MPC1: variants seen among roughly 807,000 people sequenced by gnomAD.
MPC1 encodes HSPC040 protein.
Under a neutral mutation model 13.9 loss-of-function variants are expected in MPC1, and 6 were observed. That is an observed-to-expected ratio of 0.43 (90% CI 0.24 to 0.85). The LOEUF is 0.85. Among genes scored for constraint, MPC1 ranks in the 40% least tolerant of loss-of-function variants. The pLI is 0.24. For missense variants in MPC1, 115 were observed against 143.3 expected (o/e 0.80, Z 1.01); for synonymous variants, 47 against 50.5 (o/e 0.93, Z 0.29).
chr6:166,373,105 C>T (rs1350154416), intron 1 of MPC1, among the ~76,000 whole-genome samples: 5 of 152,150 alleles, frequency 3.3e-5, no homozygotes, highest in Non-Finnish European at 5.9e-5. Flanking sequence ...ATCTACATCC[C>T]CCGCCCATGG....
intron 1 of MPC1, among the ~76,000 whole-genome samples, chr6:166,380,026 C>A (rs1318195776): frequency 6.6e-6 from 1 of 152,212 alleles, no homozygotes; most frequent in Non-Finnish European, 1.5e-5. Flanking sequence ...ATTCCCACTG[C>A]TGCCAAGAAT....
chr6:166,372,880 A>G (rs1648165332), intron 1 of MPC1, among the ~76,000 whole-genome samples: 1 of 152,218 alleles, frequency 6.6e-6, no homozygotes, highest in Admixed American at 6.5e-5. Flanking sequence ...AAAAAAGCAA[A>G]CAAACACAAA....
At chr6:166,381,958 C>T (rs113131104) in intron 1 of MPC1, 101 of 331,592 alleles carry the variant, frequency 3.0e-4, no homozygotes, top group African/African-American at 6.0e-4. Context: ...AGCTCCGCTC[C>T]AACAGCGCCG....
At chr6:166,373,005 GAA>G (rs1779436017) in intron 1 of MPC1, among the ~76,000 whole-genome samples, 1 of 151,940 alleles carries the variant, frequency 6.6e-6, no homozygotes, top group Non-Finnish European at 1.5e-5. Context: ...TAATTTTTCA[GAA>G]AAGTTTTAGG....
At chr6:166,371,062 A>G (rs114807663) in intron 1 of MPC1, among the ~76,000 whole-genome samples, 1,880 of 152,298 alleles carry the variant, frequency 0.012, 39 homozygotes, top group African/African-American at 0.043. Flanking sequence ...TCAGGTGATC[A>G]GTAGCCACCT....
chr6:166,371,799 AAG>A (rs1271881299), intron 1 of MPC1, among the ~76,000 whole-genome samples: 4 of 152,202 alleles, frequency 2.6e-5, no homozygotes, highest in African/African-American at 9.6e-5. Context: ...TAGGCAGAGT[AAG>A]AGATTGACAA....
rs1779132913 is a variant in MPC1 at position 166,365,949 on chromosome 6, A to C, written c.305+25T>G. Reference sequence around the variant, plus strand: ...CAATTCCTCAAATTCCTGAAAAGAAAGTAACTAAATTGAAATCTGCTTACT... The same window carrying C: ...CAATTCCTCAAATTCCTGAAAAGAACGTAACTAAATTGAAATCTGCTTACT... On this transcript the variant is annotated intron_variant, in intron 4 of 4. Transcript: ENST00000360961. The surrounding 1 kb of genome is among the most constrained non-coding windows in gnomAD (Gnocchi z 4.2). The C allele has an allele frequency of 6.2e-7, 1 of 1,603,206 alleles. No homozygotes were observed.
At chr6:166,371,710 C>T (rs1012056063) in intron 1 of MPC1, among the ~76,000 whole-genome samples, 2 of 152,084 alleles carry the variant, frequency 1.3e-5, no homozygotes, top group African/African-American at 4.8e-5. Context: ...TGCTTGAAAC[C>T]GTGGATAATA....
intron 1 of MPC1, among the ~76,000 whole-genome samples, chr6:166,372,152 C>G (rs753417126): frequency 2.0e-5 from 3 of 152,144 alleles, no homozygotes; most frequent in African/African-American, 7.2e-5. Flanking sequence ...CAGTCACCTA[C>G]GGCATTGCTC....
At chr6:166,366,714 T>A (rs1779168779) in intron 3 of MPC1, 81 bp downstream of exon 3, 1 of 1,318,140 alleles carries the variant, frequency 7.6e-7, no homozygotes, top group African/African-American at 1.4e-5. Flanking sequence ...GACTGTAACA[T>A]CTAGTGCTAC....
At position 166,365,884 on chromosome 6, in the gene MPC1, C is replaced by T. The variant is rs559389284; in HGVS notation, c.305+90G>A. ...AGCGCATCTATACACACTCCAGTCC[C>T]GCAGCACTCCCTCAGAAAAGATTTT... On this transcript the variant is annotated intron_variant, in intron 4 of 4. Transcript: ENST00000360961. This position sits in a 1 kb window ranked among gnomAD's most constrained non-coding sequence, Gnocchi z 4.2. 4.6e-5 allele frequency: 71 copies of T among 1,533,188 alleles called. No individual in the cohort carries two copies. Among genetic ancestry groups the T allele is most frequent in the Middle Eastern group, 1.9e-4 (1 of 5,256 alleles). The allele number at this position is 1,533,188 out of a possible 1,614,324, so 95.0% of individuals were successfully genotyped here.
At chr6:166,368,662 C>T (rs1304675087) in intron 2 of MPC1, 1 of 650,714 alleles carries the variant, frequency 1.5e-6, no homozygotes, top group Non-Finnish European at 1.9e-6. Context: ...TGCAATATGG[C>T]CAGTTTTCTT....
rs1779139201 is a variant in MPC1 at position 166,366,032 on chromosome 6, A to G, written c.247T>C (p.Cys83Arg). Residue 83 changes from cysteine to arginine, a missense_variant, in exon 4 of 5, where the codon TGC becomes CGC. Transcript: ENST00000360961. ...VQPRNWLLFA[C>R]HATNEVAQLI... is the part of the protein sequence containing the mutation. ...TGGGCTACTTCATTTGTTGCGTGGC[A>G]TGCAAACAGAAGCCAGTTCCGAGGC... The G allele has an allele frequency of 6.2e-7, 1 of 1,613,908 alleles. No homozygotes were observed. Among genetic ancestry groups the G allele is most frequent in the Admixed American group, 1.7e-5 (1 of 59,998 alleles).
At chr6:166,377,586 A>G (rs990867326) in intron 1 of MPC1, among the ~76,000 whole-genome samples, 4 of 152,220 alleles carry the variant, frequency 2.6e-5, no homozygotes, top group African/African-American at 7.2e-5. Context: ...TATTTCTAAC[A>G]TTATTCAAAG....
intron 1 of MPC1, among the ~76,000 whole-genome samples, chr6:166,382,488 C>G (rs1161124628): frequency 6.6e-6 from 1 of 151,740 alleles, no homozygotes; most frequent in Non-Finnish European, 1.5e-5. Flanking sequence ...GTCACCCCCG[C>G]CCTGAGGAGC....
intron 1 of MPC1, among the ~76,000 whole-genome samples, chr6:166,381,352 C>T (rs905548682): frequency 4.6e-5 from 7 of 152,214 alleles, no homozygotes; most frequent in African/African-American, 1.7e-4. Context: ...TCCTACCCTA[C>T]TGCTCTATAA....
Position 166,365,264 on chromosome 6 carries a change from A to T in MPC1, c.*165T>A. ...AAATATTTAATACTTGTAAGGCAGC[A>T]GAGAGTTGGTTTAGAAACTCTCAGC... On this transcript the variant is annotated 3_prime_UTR_variant, in exon 5 of 5. Transcript: ENST00000360961. This position sits in a 1 kb window ranked among gnomAD's most constrained non-coding sequence, Gnocchi z 4.2. The T allele has an allele frequency of 2.0e-6, 1 of 494,924 alleles. No homozygotes were observed. The highest frequency in any genetic ancestry group is 5.9e-5 in the South Asian group (1 of 16,938). The allele number at this position is 494,924 out of a possible 1,614,324, so 30.7% of individuals were successfully genotyped here. A position where few individuals can be genotyped will look rare whatever the true frequency, so the allele number is the denominator to read the frequency against.
At chr6:166,370,182 G>T (rs376361823) in intron 2 of MPC1, 36 bp downstream of exon 2, 2 of 780,850 alleles carry the variant, frequency 2.6e-6, no homozygotes, top group East Asian at 4.8e-5. Flanking sequence ...CAGAAAGTCT[G>T]CAAAAGCCTG....
In MPC1 at chr6:166,369,927, T is replaced by G. The variant is rs896625184; in HGVS notation, c.75+291A>C. 3 of 549,736 alleles carry G rather than the reference T, an allele frequency of 5.5e-6. No individual in the cohort carries two copies. The African/African-American group carries it at 5.7e-5, about 10-fold the overall frequency. The allele number at this position is 549,736 out of a possible 1,614,324, so 34.1% of individuals were successfully genotyped here. On this transcript the variant is annotated intron_variant, in intron 2 of 4. Coordinates refer to ENST00000360961, the MANE Select transcript of MPC1 (RefSeq NM_016098.4). ...TTTTCCTGCTTTCTCTTTTTCTTTC[T>G]CTATTTCCTTTCATCGGTTGCTAGG...
Sources: gnomAD v4.1 joint callset for allele counts (sites outside exome capture counted in the v4.1 genomes callset) on GRCh38, gnomAD v4.1.1 for gene constraint, Gnocchi (gnomAD v3.1) non-coding constraint, MANE v1.5 for transcripts, NCBI Gene and HGNC (gene_info 2026-07-23, HGNC 2026-07-21) for gene names.